Variants in PIK3CA observed in about 807,000 individuals in gnomAD.
PIK3CA encodes phosphatidylinositol-4,5-bisphosphate 3-kinase catalytic subunit alpha.
In PIK3CA, 27 loss-of-function variants were observed where a neutral mutation model predicts 138.2. The observed-to-expected ratio is 0.20, with a 90% CI of 0.14 to 0.27. PIK3CA has a LOEUF of 0.27. Among genes scored for constraint, PIK3CA ranks in the 10% least tolerant of loss-of-function variants. The probability of loss-of-function intolerance (pLI) is 1.00; values close to 1 mark genes in which losing one functional copy is unlikely to be tolerated. For missense variants in PIK3CA, 544 were observed against 1,277.4 expected, an observed-to-expected ratio of 0.43 and a Z score of 8.75; for synonymous variants, 358 against 413.2, an observed-to-expected ratio of 0.87 and a Z score of 1.62.
intron 1 of PIK3CA, among the ~76,000 whole-genome samples, chr3:179,167,149 C>A (rs549477427): frequency 6.6e-6 from 1 of 152,206 alleles, no homozygotes; most frequent in East Asian, 1.9e-4. Context: ...CAATTATCTA[C>A]AATAACCCTC....
At chr3:179,215,397 A>G (rs1201995151) in intron 9 of PIK3CA, among the ~76,000 whole-genome samples, 2 of 152,162 alleles carry the variant, frequency 1.3e-5, no homozygotes, top group Non-Finnish European at 1.5e-5. Flanking sequence ...ATTTGTATCT[A>G]TTGGAAACTT....
At chr3:179,153,013 A>C (rs1036115076) in intron 1 of PIK3CA, among the ~76,000 whole-genome samples, 9 of 152,280 alleles carry the variant, frequency 5.9e-5, no homozygotes, top group African/African-American at 1.9e-4. Context: ...TAAAAAAAGG[A>C]AACAAAATTA....
intron 4 of PIK3CA, among the ~76,000 whole-genome samples, chr3:179,202,373 T>A (rs181339333): frequency 5.9e-4 from 90 of 152,292 alleles, no homozygotes; most frequent in Non-Finnish European, 1.1e-3. Flanking sequence ...CCCAGCCTAT[T>A]TCGTGATTTT....
intron 1 of PIK3CA, among the ~76,000 whole-genome samples, chr3:179,160,617 G>A (rs1005802970): frequency 1.3e-5 from 2 of 152,148 alleles, no homozygotes; most frequent in Admixed American, 6.5e-5. Context: ...ATATACACAC[G>A]TGTGCACCCC....
At chr3:179,206,086 CTT>C (rs751353057) in intron 6 of PIK3CA, among the ~76,000 whole-genome samples, 21,672 of 104,124 alleles carry the variant, frequency 0.21, 1,203 homozygotes, top group African/African-American at 0.33. Context: ...ACTTCAGGAT[CTT>C]TTTTTTTTTT....
At chr3:179,173,656 C>T (rs997987207) in intron 1 of PIK3CA, among the ~76,000 whole-genome samples, 14 of 152,070 alleles carry the variant, frequency 9.2e-5, no homozygotes, top group Non-Finnish European at 1.3e-4. Flanking sequence ...TCAGTTCTTA[C>T]CCCAGTAATT....
intron 1 of PIK3CA, among the ~76,000 whole-genome samples, chr3:179,197,352 ATTAAGT>A (rs756397472): frequency 9.2e-5 from 14 of 152,290 alleles, no homozygotes; most frequent in Middle Eastern, 3.4e-3. Context: ...TCTTTAAAGG[ATTAAGT>A]TTATGTTTCC....
In PIK3CA at chr3:179,238,161, T is replaced by C; in HGVS notation, c.*3797T>C. ...ATGTCTTTAAGAGAAGGCTGAAAGT[T>C]GTGAGAGTATATTGTATACCGTAAG... On this transcript the variant is annotated 3_prime_UTR_variant, in exon 21 of 21. Coordinates refer to ENST00000263967, the MANE Select transcript of PIK3CA (RefSeq NM_006218.4). The C allele has an allele frequency of 4.5e-6, 1 of 223,626 alleles. No individual in the cohort carries two copies. The highest frequency in any genetic ancestry group is 6.4e-5 in the East Asian group (1 of 15,604). The allele number at this position is 223,626 out of a possible 1,614,324, so 13.9% of individuals were successfully genotyped here.
At chr3:179,191,295 GAGTT>G (rs1439561665) in intron 1 of PIK3CA, among the ~76,000 whole-genome samples, 2 of 152,288 alleles carry the variant, frequency 1.3e-5, no homozygotes, top group South Asian at 2.1e-4. Context: ...AGATGTAACT[GAGTT>G]AGCCACAAAA....
At chr3:179,211,825 C>CTA (rs1235257267) in intron 9 of PIK3CA, among the ~76,000 whole-genome samples, 1 of 152,076 alleles carries the variant, frequency 6.6e-6, no homozygotes, top group African/African-American at 2.4e-5. Flanking sequence ...CTGAATAACA[C>CTA]TATGAGGGCT....
At chr3:179,178,121 T>TTG (rs1723747362) in intron 1 of PIK3CA, among the ~76,000 whole-genome samples, 1 of 57,354 alleles carries the variant, frequency 1.7e-5, no homozygotes, top group African/African-American at 1.2e-4. Flanking sequence ...TTTTTTGTGT[T>TTG]TTTTTTTTTT....
intron 1 of PIK3CA, among the ~76,000 whole-genome samples, chr3:179,177,312 C>CTT (rs11328702): frequency 5.5e-5 from 5 of 91,032 alleles, no homozygotes; most frequent in Admixed American, 1.1e-4. Flanking sequence ...ATTCTCTTTT[C>CTT]TTTTTTTTTT....
At chr3:179,162,926 A>C (rs1468990546) in intron 1 of PIK3CA, among the ~76,000 whole-genome samples, 1 of 152,196 alleles carries the variant, frequency 6.6e-6, no homozygotes, top group African/African-American at 2.4e-5. Flanking sequence ...TAAACAGATA[A>C]AAGTAAGGTA....
At chr3:179,163,188 CTT>C (rs1723328327) in intron 1 of PIK3CA, among the ~76,000 whole-genome samples, 1 of 152,090 alleles carries the variant, frequency 6.6e-6, no homozygotes, top group Non-Finnish European at 1.5e-5. Flanking sequence ...ACTTTTGAAT[CTT>C]TATTTCATCT....
At chr3:179,212,074 C>G (rs573010320) in intron 9 of PIK3CA, among the ~76,000 whole-genome samples, 1 of 151,422 alleles carries the variant, frequency 6.6e-6, no homozygotes, top group African/African-American at 2.4e-5. Context: ...ATGGCACAAT[C>G]TTGGCTCACT....
Position 179,237,673 on chromosome 3 carries a change from A to C in PIK3CA, c.*3309A>C, listed in dbSNP as rs1725357947. The C allele has an allele frequency of 4.8e-6, 1 of 209,748 alleles. No individual in the cohort carries two copies. The highest frequency in any genetic ancestry group is 1.9e-4 in the South Asian group (1 of 5,344). 13.0% of individuals were successfully genotyped at this position (209,748 alleles called of 1,614,324 possible). A position where few individuals can be genotyped will look rare whatever the true frequency, so the allele number is the denominator to read the frequency against. On this transcript the variant is annotated 3_prime_UTR_variant, in exon 21 of 21. Transcript: ENST00000263967. ...TTGGAATTATAAAAAAATTGTGAGC[A>C]GCCTATTTGAAAGGCATCATGGAAA...
At chr3:179,224,035 T>C (rs199544381) in intron 14 of PIK3CA, 46 bp from the exon 15 acceptor site, 5 of 1,048,284 alleles carry the variant, frequency 4.8e-6, no homozygotes, top group South Asian at 2.6e-5. Context: ...GTTTTATCTT[T>C]TATTAAGTCA....
At chr3:179,225,892 C>T (rs2108419216) in intron 16 of PIK3CA, 70 bp from the exon 17 acceptor site, 1 of 744,168 alleles carries the variant, frequency 1.3e-6, no homozygotes, top group Middle Eastern at 2.4e-4. Context: ...ATTTGAAAAC[C>T]ATGTGATGGC....
chr3:179,198,710 TTG>T (rs1724328650), intron 1 of PIK3CA, 38 bp from the exon 2 acceptor site: 1 of 565,284 alleles, frequency 1.8e-6, no homozygotes, highest in Non-Finnish European at 3.1e-6. Context: ...TCTTCTGTAG[TTG>T]TGTCTCTTTT....
Sources: allele counts gnomAD v4.1 joint callset (sites outside exome capture counted in the v4.1 genomes callset), GRCh38; gene constraint gnomAD v4.1.1; transcripts MANE v1.5; gene names NCBI Gene and HGNC (gene_info 2026-07-23, HGNC 2026-07-21).